Variants in SEPTIN3 observed in about 807,000 individuals in gnomAD.
SEPTIN3 encodes the protein neuronal-specific septin-3.
Under a neutral mutation model 45.1 loss-of-function variants are expected in SEPTIN3, and 15 were observed. That is an observed-to-expected ratio of 0.33 (90% CI 0.22 to 0.51). SEPTIN3 has a LOEUF of 0.51. Ranked by LOEUF, SEPTIN3 falls within the 20% of genes least tolerant of loss-of-function variation. The probability of loss-of-function intolerance (pLI) is 0.97; values close to 1 mark genes in which losing one functional copy is unlikely to be tolerated. For missense variants in SEPTIN3, 289 were observed against 457.2 expected, an observed-to-expected ratio of 0.63 and a Z score of 3.35; for synonymous variants, 148 against 164.8, an observed-to-expected ratio of 0.90 and a Z score of 0.78.
chr22:41,986,632 T>C (rs557515403), intron 4 of SEPTIN3, among the ~76,000 whole-genome samples: 2 of 152,230 alleles, frequency 1.3e-5, no homozygotes, highest in South Asian at 4.2e-4. Context: ...CCTGAGTAGC[T>C]GGGACTACAG....
chr22:41,994,799 A>C lies in SEPTIN3; in HGVS notation c.2505+85A>C. 2 of 1,611,564 alleles carry C rather than the reference A, an allele frequency of 1.2e-6. No individual in the cohort carries two copies. Among genetic ancestry groups the C allele is most frequent in the Non-Finnish European group, 1.7e-6 (2 of 1,179,188 alleles). On this transcript the variant is annotated intron_variant, in intron 11 of 11. Coordinates refer to ENST00000644076, the MANE Select transcript of SEPTIN3 (RefSeq NM_001363845.2). This position sits in a 1 kb window ranked among gnomAD's most constrained non-coding sequence, Gnocchi z 4.2. ...CATCACACATACCCACTTCACACAC[A>C]CACATCCCAAATACCACCACCAACC... is the stretch of plus-strand genomic sequence containing the variant.
intron 11 of SEPTIN3, chr22:41,996,142 C>T: frequency 1.0e-6 from 1 of 985,352 alleles, no homozygotes; most frequent in Non-Finnish European, 1.2e-6. Flanking sequence ...TCCCTCTCCT[C>T]CTGACTCCTG....
chr22:41,995,926 A>T, intron 11 of SEPTIN3: 1 of 981,118 alleles, frequency 1.0e-6, no homozygotes, highest in Non-Finnish European at 1.2e-6. Context: ...AACAATATAC[A>T]TAATTTGTCT....
intron 2 of SEPTIN3, among the ~76,000 whole-genome samples, chr22:41,980,461 G>A (rs1243841918): frequency 2.0e-5 from 3 of 152,094 alleles, no homozygotes; most frequent in Admixed American, 6.5e-5. Flanking sequence ...TAAGCATCAT[G>A]TCTCATGAAA....
At chr22:41,970,177 C>G (rs1468346783) in intron 1 of SEPTIN3, among the ~76,000 whole-genome samples, 2 of 152,088 alleles carry the variant, frequency 1.3e-5, no homozygotes, top group African/African-American at 4.8e-5. Context: ...GGCCTTGTCC[C>G]CCAGCTGCAG....
At chr22:41,970,450 C>T (rs977614870) in intron 1 of SEPTIN3, among the ~76,000 whole-genome samples, 1 of 152,204 alleles carries the variant, frequency 6.6e-6, no homozygotes, top group African/African-American at 2.4e-5. Context: ...ACTATGTCCT[C>T]ATGGGATCCT....
intron 1 of SEPTIN3, among the ~76,000 whole-genome samples, chr22:41,970,679 G>A (rs1363038895): frequency 2.0e-5 from 3 of 152,078 alleles, no homozygotes; most frequent in African/African-American, 4.8e-5. Flanking sequence ...TCACCTTTGG[G>A]CCTTCTGTAG....
Position 41,994,542 on chromosome 22 carries a change from C to A in SEPTIN3, c.2412-79C>A. 3 of 1,600,546 alleles carry A rather than the reference C, an allele frequency of 1.9e-6. No individual in the cohort carries two copies. The highest frequency in any genetic ancestry group is 2.6e-6 in the Non-Finnish European group (3 of 1,172,566). On this transcript the variant is annotated intron_variant, in intron 10 of 11. Transcript: ENST00000644076. The surrounding 1 kb of genome is among the most constrained non-coding windows in gnomAD (Gnocchi z 4.2). ...GTGGTTCCCATTCACTGGGTCCAGT[C>A]CCTCGAAGTGATGTGTGTCACCGCC...
chr22:41,977,223 C>G, intron 2 of SEPTIN3: 2 of 724,096 alleles, frequency 2.8e-6, no homozygotes, highest in Non-Finnish European at 4.3e-6. Flanking sequence ...CACGGTGGCA[C>G]CCACCTCGAG....
chr22:41,995,785 A>G (rs1429965652), intron 11 of SEPTIN3: 5 of 945,682 alleles, frequency 5.3e-6, no homozygotes, highest in Admixed American at 6.2e-5. Context: ...CAGGCAGCCA[A>G]TGTAAAGAGG....
intron 7 of SEPTIN3, among the ~76,000 whole-genome samples, chr22:41,989,964 G>A (rs2078278341): frequency 6.6e-6 from 1 of 151,924 alleles, no homozygotes; most frequent in Non-Finnish European, 1.5e-5. Context: ...GTGTACATAA[G>A]AAATCACTCC....
chr22:41,972,321 C>A lies in SEPTIN3; in HGVS notation c.829C>A (p.Pro277Thr). ...RHLATMATNRPSLAINLATPN... is the reference protein window; with the variant it reads ...RHLATMATNRTSLAINLATPN... ...TTTAGCCACAATGGCCACCAACAGA[C>A]CTAGCTTGGCTATCAATTTAGCCAC... The change falls in exon 2 of 12, where the codon CCT becomes ACT. Residue 277 changes from proline (P) to threonine (T), a missense_variant. Physicochemically the swap from Pro to Thr is conservative, Grantham distance 38 (BLOSUM62 -1). Transcript: ENST00000644076. The A allele has an allele frequency of 2.5e-6, 1 of 399,178 alleles. No individual in the cohort carries two copies. Among genetic ancestry groups the A allele is most frequent in the Non-Finnish European group, 4.4e-6 (1 of 226,148 alleles). 24.7% of individuals were successfully genotyped at this position (399,178 alleles called of 1,614,324 possible).
intron 3 of SEPTIN3, among the ~76,000 whole-genome samples, chr22:41,982,901 AG>A (rs2078144903): frequency 6.6e-6 from 1 of 151,728 alleles, no homozygotes; most frequent in African/African-American, 2.4e-5. Context: ...CAAAAAAAAA[AG>A]AAGAAAAAAA....
intron 2 of SEPTIN3, among the ~76,000 whole-genome samples, chr22:41,979,483 T>A (rs763588064): frequency 6.6e-6 from 1 of 152,168 alleles, no homozygotes; most frequent in Non-Finnish European, 1.5e-5. Flanking sequence ...GCCCAGCTTG[T>A]GTGAGCAGCT....
At chr22:41,982,033 G>A in intron 3 of SEPTIN3, 197 bp downstream of exon 3, 2 of 588,014 alleles carry the variant, frequency 3.4e-6, no homozygotes, top group Non-Finnish European at 6.0e-6. Flanking sequence ...GGAGCTTCAG[G>A]TGGATGCCAG....
Position 41,997,826 on chromosome 22 carries a change from A to T in SEPTIN3, c.*859A>T, listed in dbSNP as rs1167799318. 1 of 152,604 alleles carries T rather than the reference A, an allele frequency of 6.6e-6. No homozygotes were observed. The highest frequency in any genetic ancestry group is 2.4e-5 in the African/African-American group (1 of 41,412). The allele number at this position is 152,604 out of a possible 1,614,324, so 9.5% of individuals were successfully genotyped here. On this transcript the variant is annotated 3_prime_UTR_variant, in exon 12 of 12. Transcript: ENST00000644076. The stretch of plus-strand genomic sequence containing the variant: ...TGAATTAGCCTGACCACAGGTGGTC[A>T]CTGTAGGCTAATGGAAAATACCCAA...
chr22:41,987,151 A>G, intron 4 of SEPTIN3, 55 bp from the exon 5 acceptor site: 1 of 1,435,086 alleles, frequency 7.0e-7, no homozygotes, highest in Non-Finnish European at 9.6e-7. Context: ...GCTGCCAGGT[A>G]CCTGGGGTCA....
chr22:41,994,931 G>A lies in SEPTIN3; in HGVS notation c.2505+217G>A. 1 of 1,439,216 alleles carries A rather than the reference G, an allele frequency of 6.9e-7. No homozygotes were observed. Among genetic ancestry groups the A allele is most frequent in the East Asian group, 2.8e-5 (1 of 35,968 alleles). The allele number at this position is 1,439,216 out of a possible 1,614,324, so 89.2% of individuals were successfully genotyped here. ...TGTGTGTGTGTGTGTGTGACAGAGAGAGAGCGAGAGAGCCTGTGTGTGTGC... is the reference window on the plus strand; with the variant it reads ...TGTGTGTGTGTGTGTGTGACAGAGAAAGAGCGAGAGAGCCTGTGTGTGTGC... On this transcript the variant is annotated intron_variant, in intron 11 of 11. Transcript: ENST00000644076. This position sits in a 1 kb window ranked among gnomAD's most constrained non-coding sequence, Gnocchi z 4.2.
rs1274387159 is a variant in SEPTIN3, at chr22:41,994,250, AACTG to A, written c.2360-36_2360-33del. 6.2e-7 allele frequency: 1 copy of A among 1,605,816 alleles called. No individual in the cohort carries two copies. The highest frequency in any genetic ancestry group is 1.3e-5 in the African/African-American group (1 of 74,926). On this transcript the variant is annotated intron_variant, in intron 9 of 11. Transcript: ENST00000644076. This position sits in a 1 kb window ranked among gnomAD's most constrained non-coding sequence, Gnocchi z 4.2. ...CCTCCTGGGTGTTGCTGTATTAATGAACTGACTACCTGTTTTGCTTTGTTTTGTT... is the reference window on the plus strand; with the variant it reads ...CCTCCTGGGTGTTGCTGTATTAATGAACTACCTGTTTTGCTTTGTTTTGTT...
Sources: gnomAD v4.1 joint callset for allele counts (sites outside exome capture counted in the v4.1 genomes callset) on GRCh38, gnomAD v4.1.1 for gene constraint, Gnocchi (gnomAD v3.1) non-coding constraint, MANE v1.5 for transcripts, NCBI Gene and HGNC (gene_info 2026-07-23, HGNC 2026-07-21) for gene names.